The following AGTPBP1 variants were observed in gnomAD, a reference collection of about 807,000 sequenced individuals.
AGTPBP1 encodes the protein ATP/GTP binding carboxypeptidase 1, also known as cytosolic carboxypeptidase 1.
AGTPBP1 carries 70 observed loss-of-function variants against 143.9 expected under a neutral mutation model. The ratio of observed to expected loss-of-function variants is 0.49; its 90% CI spans 0.40 to 0.59. The LOEUF (loss-of-function observed/expected upper bound fraction) is 0.59. Among genes scored for constraint, AGTPBP1 ranks in the 20% least tolerant of loss-of-function variants. AGTPBP1 has a pLI of 0.00. For synonymous variants in AGTPBP1, 463 were observed against 500.2 expected (o/e 0.93, Z 0.99); for missense variants, 1,229 against 1,464.5 (o/e 0.84, Z 2.62).
intron 7 of AGTPBP1, among the ~76,000 whole-genome samples, chr9:85,670,000 A>G (rs1012741981): frequency 6.6e-6 from 1 of 152,192 alleles, no homozygotes. Flanking sequence ...ATAGATCAAG[A>G]GTTGTAGACT....
chr9:85,668,143 G>C (rs1344736838), intron 8 of AGTPBP1, among the ~76,000 whole-genome samples: 1 of 152,044 alleles, frequency 6.6e-6, no homozygotes, highest in East Asian at 1.9e-4. Context: ...ACAGATTTTT[G>C]ATAGTACAAC....
At chr9:85,589,735 A>ACGGC in intron 19 of AGTPBP1, 54 bp from the exon 20 acceptor site, 1 of 1,495,182 alleles carries the variant, frequency 6.7e-7, no homozygotes, top group Non-Finnish European at 9.0e-7. Context: ...TCCCTATGAT[A>ACGGC]TACAGAAATA....
At chr9:85,647,984 TGA>T (rs1370803801) in intron 11 of AGTPBP1, among the ~76,000 whole-genome samples, 1 of 152,034 alleles carries the variant, frequency 6.6e-6, no homozygotes, top group Non-Finnish European at 1.5e-5. Context: ...TTTTAAGAGG[TGA>T]GAGAGACAGC....
At chr9:85,699,659 A>G (rs1201175531) in intron 2 of AGTPBP1, among the ~76,000 whole-genome samples, 1 of 151,966 alleles carries the variant, frequency 6.6e-6, no homozygotes, top group East Asian at 1.9e-4. Context: ...GATGCATGGT[A>G]GTAAAACAAT....
At chr9:85,629,295 GGACTCTAATCTGTA>G (rs1158957561) in intron 14 of AGTPBP1, among the ~76,000 whole-genome samples, 2 of 152,146 alleles carry the variant, frequency 1.3e-5, no homozygotes, top group African/African-American at 4.8e-5. Context: ...GGAAGAAGCT[GGACTCTAATCTGTA>G]GATTACATTT....
rs766766344 is a variant in AGTPBP1, at chr9:85,621,220, T to A, written c.2081A>T (p.Tyr694Phe). 6.8e-7 allele frequency: 1 copy of A among 1,470,590 alleles called. No homozygotes were observed. The highest frequency in any genetic ancestry group is 8.9e-7 in the Non-Finnish European group (1 of 1,117,980). 91.1% of individuals were successfully genotyped at this position (1,470,590 alleles called of 1,614,324 possible). The change falls in exon 15 of 26, where the codon TAT (tyrosine) becomes TTT (phenylalanine). Residue 694 changes from tyrosine (Y) to phenylalanine (F), a missense_variant. By Grantham distance (22) the Tyr-to-Phe change is conservative. Transcript: ENST00000357081. ...HQSDIIDRVV[Y>F]DLDNPNYTIP... The stretch of plus-strand genomic sequence containing the variant: ...GACTTACTTTGGGTTATCCAAGTCA[T>A]ATACCACACGATCTATGATATCACT...
At chr9:85,703,750 T>C (rs1836815349) in intron 2 of AGTPBP1, among the ~76,000 whole-genome samples, 1 of 152,192 alleles carries the variant, frequency 6.6e-6, no homozygotes, top group Non-Finnish European at 1.5e-5. Flanking sequence ...ACAGATGACA[T>C]CTAAATCAAT....
At chr9:85,748,974 C>T in the AGTPBP1 span, among the ~76,000 whole-genome samples, 1 of 139,528 alleles carries the variant, frequency 7.2e-6, no homozygotes, top group Non-Finnish European at 1.5e-5. Context: ...GTAACTCAAA[C>T]TTTTACCTTC....
At chr9:85,707,599 A>C (rs1837092553) in intron 2 of AGTPBP1, among the ~76,000 whole-genome samples, 1 of 152,244 alleles carries the variant, frequency 6.6e-6, no homozygotes, top group Non-Finnish European at 1.5e-5. Flanking sequence ...CAACAACTTT[A>C]TGCCTATAAA....
chr9:85,687,290 C>T (rs192481019), intron 3 of AGTPBP1, among the ~76,000 whole-genome samples: 1 of 152,202 alleles, frequency 6.6e-6, no homozygotes, highest in East Asian at 1.9e-4. Context: ...TATTTTAACA[C>T]CTAACTCTTA....
At chr9:85,733,342 A>G (rs1489327582) in intron 1 of AGTPBP1, among the ~76,000 whole-genome samples, 2 of 152,256 alleles carry the variant, frequency 1.3e-5, no homozygotes, top group East Asian at 1.9e-4. Flanking sequence ...TGGAAAATAC[A>G]CAAATTTATG....
Position 85,741,922 on chromosome 9 carries a change from G to A in AGTPBP1, c.-181C>T. On this transcript the variant is annotated 5_prime_UTR_variant, in exon 1 of 26. Transcript: ENST00000357081. ...CGAGGCGGAGGCGGCGGCGGCGGCAGCTGCGGCGGCGGCGCTGGAGGCGGC... is the reference window on the plus strand; with the variant it reads ...CGAGGCGGAGGCGGCGGCGGCGGCAACTGCGGCGGCGGCGCTGGAGGCGGC... 5 of 1,318,058 alleles carry A rather than the reference G, an allele frequency of 3.8e-6. No individual in the cohort carries two copies. Among genetic ancestry groups the A allele is most frequent in the East Asian group, 3.1e-5 (1 of 31,888 alleles). The allele number at this position is 1,318,058 out of a possible 1,614,324, so 81.6% of individuals were successfully genotyped here.
At chr9:85,605,483 C>T (rs1200415803) in intron 17 of AGTPBP1, among the ~76,000 whole-genome samples, 1 of 152,052 alleles carries the variant, frequency 6.6e-6, no homozygotes, top group African/African-American at 2.4e-5. Flanking sequence ...ACTTGTCCTA[C>T]AAGAGATGCT....
intron 8 of AGTPBP1, among the ~76,000 whole-genome samples, chr9:85,665,651 C>T (rs1441787162): frequency 6.6e-6 from 1 of 152,110 alleles, no homozygotes; most frequent in Non-Finnish European, 1.5e-5. Context: ...TAGTTGTTTA[C>T]AACTGTTTAA....
At chr9:85,637,336 C>T (rs1039906721) in intron 13 of AGTPBP1, among the ~76,000 whole-genome samples, 2 of 152,118 alleles carry the variant, frequency 1.3e-5, no homozygotes, top group Non-Finnish European at 1.5e-5. Flanking sequence ...AGCCACCATG[C>T]CTGGCCACCC....
At chr9:85,734,142 A>G (rs1015256407) in intron 1 of AGTPBP1, among the ~76,000 whole-genome samples, 6 of 152,088 alleles carry the variant, frequency 3.9e-5, no homozygotes, top group South Asian at 2.1e-4. Context: ...AGTCCCAGCT[A>G]CTCAGGACGC....
intron 2 of AGTPBP1, among the ~76,000 whole-genome samples, chr9:85,697,948 A>G (rs575034899): frequency 2.2e-4 from 34 of 152,322 alleles, no homozygotes; most frequent in African/African-American, 7.2e-4. Context: ...AGTCACCACA[A>G]TCTGTGTACT....
At position 85,661,647 on chromosome 9, in the gene AGTPBP1, G is replaced by A. The variant is rs574694933; in HGVS notation, c.663-674C>T. Among the ~76,000 whole-genome samples the A allele has an allele frequency of 1.7e-4, 26 of 152,186 alleles. No homozygotes were observed. The South Asian group carries it at 3.1e-3, about 18-fold the overall frequency. ...GAAAGTATTTAAATTGTATTTGAAC[G>A]TAAATACTCAGTCACACATAGTGAA... On this transcript the variant is annotated intron_variant, in intron 8 of 25. Transcript: ENST00000357081.
chr9:85,793,784 C>T, the AGTPBP1 span, among the ~76,000 whole-genome samples: 1 of 152,074 alleles, frequency 6.6e-6, no homozygotes, highest in African/African-American at 2.4e-5. Flanking sequence ...AAGACATGGG[C>T]CAGTACTGTG....
Sources: gnomAD v4.1 joint callset for allele counts (sites outside exome capture counted in the v4.1 genomes callset) on GRCh38, gnomAD v4.1.1 for gene constraint, MANE v1.5 for transcripts, NCBI Gene and HGNC (gene_info 2026-07-23, HGNC 2026-07-21) for gene names.